BMP5: variants seen among roughly 807,000 people sequenced by gnomAD.
The protein encoded by BMP5 is bone morphogenetic protein 5.
In BMP5, 23 loss-of-function variants were observed where a neutral mutation model predicts 46.6. The ratio of observed to expected loss-of-function variants is 0.49; its 90% CI spans 0.35 to 0.70. The LOEUF (loss-of-function observed/expected upper bound fraction) is 0.70. BMP5 is among the 30% of genes least tolerant of loss of function. The pLI, the probability that BMP5 is intolerant of heterozygous loss-of-function variation, is 0.00. For synonymous variants in BMP5, 204 were observed against 191.9 expected (o/e 1.06, Z -0.52); for missense variants, 545 against 565.6 (o/e 0.96, Z 0.37).
chr6:55,811,823 C>T (rs150445982), intron 2 of BMP5, among the ~76,000 whole-genome samples: 1,936 of 152,110 alleles, frequency 0.013, 22 homozygotes, highest in Non-Finnish European at 0.021. Flanking sequence ...AGGTCCCTTA[C>T]CCTTCCAAGT....
rs1026823830 is a variant in BMP5, at chr6:55,794,157, T to C, written c.832+122A>G. On this transcript the variant is annotated intron_variant, in intron 3 of 6. Transcript: ENST00000370830. ...ACTAATATAGTTTTGCACTACCCTATAGAATGCGTTGACTTGGACATCATA... is the reference window on the plus strand; with the variant it reads ...ACTAATATAGTTTTGCACTACCCTACAGAATGCGTTGACTTGGACATCATA... 3.9e-6 allele frequency: 4 copies of C among 1,027,430 alleles called. No homozygotes were observed. In the African/African-American group the frequency reaches 4.8e-5, roughly 12 times the overall value. The allele number at this position is 1,027,430 out of a possible 1,614,324, so 63.6% of individuals were successfully genotyped here. A position where few individuals can be genotyped will look rare whatever the true frequency, so the allele number is the denominator to read the frequency against.
At chr6:55,838,981 A>G (rs1776888845) in intron 1 of BMP5, among the ~76,000 whole-genome samples, 1 of 152,156 alleles carries the variant, frequency 6.6e-6, no homozygotes, top group Non-Finnish European at 1.5e-5. Flanking sequence ...GAATAGACGA[A>G]TACACTTATC....
chr6:55,780,957 G>A (rs970095622), intron 3 of BMP5, among the ~76,000 whole-genome samples: 2 of 152,092 alleles, frequency 1.3e-5, no homozygotes, highest in African/African-American at 2.4e-5. Context: ...TCTGAAATGA[G>A]GGGCTTGCTG....
intron 1 of BMP5, among the ~76,000 whole-genome samples, chr6:55,840,182 T>C (rs1024689676): frequency 2.0e-5 from 3 of 152,284 alleles, no homozygotes; most frequent in Admixed American, 1.3e-4. Flanking sequence ...TATGTCAGTA[T>C]ACAGAAATAC....
At chr6:55,843,113 T>C (rs1381974114) in intron 1 of BMP5, among the ~76,000 whole-genome samples, 1 of 152,094 alleles carries the variant, frequency 6.6e-6, no homozygotes, top group Admixed American at 6.6e-5. Context: ...AGATTTTTTC[T>C]AGTTTGCTTA....
At chr6:55,771,104 T>C (rs1364158371) in intron 4 of BMP5, among the ~76,000 whole-genome samples, 1 of 151,762 alleles carries the variant, frequency 6.6e-6, no homozygotes, top group East Asian at 1.9e-4. Flanking sequence ...GCCACAAAAC[T>C]TCAGTTTGTA....
intron 3 of BMP5, among the ~76,000 whole-genome samples, chr6:55,790,494 A>T (rs970748507): frequency 6.6e-6 from 1 of 152,322 alleles, no homozygotes; most frequent in Middle Eastern, 3.4e-3. Context: ...CGATCAAGCT[A>T]CAAGAGAATA....
chr6:55,837,292 A>G (rs923706702), intron 1 of BMP5, among the ~76,000 whole-genome samples: 4 of 152,126 alleles, frequency 2.6e-5, no homozygotes, highest in East Asian at 1.9e-4. Flanking sequence ...TCAATAAAAC[A>G]GTGAAAGAAA....
intron 2 of BMP5, among the ~76,000 whole-genome samples, chr6:55,803,332 G>T (rs1339657194): frequency 6.6e-6 from 1 of 151,886 alleles, no homozygotes; most frequent in South Asian, 2.1e-4. Context: ...AAAACAGGAA[G>T]AAGTTATGAA....
chr6:55,804,733 G>A (rs1225380532), intron 2 of BMP5, among the ~76,000 whole-genome samples: 3 of 152,010 alleles, frequency 2.0e-5, no homozygotes. Flanking sequence ...AGAAAGAGAA[G>A]GAATTGAAAG....
chr6:55,860,739 G>A (rs1047176431), intron 1 of BMP5, among the ~76,000 whole-genome samples: 2 of 152,198 alleles, frequency 1.3e-5, no homozygotes, highest in Non-Finnish European at 2.9e-5. Context: ...GTTAACAACT[G>A]TACCTACTTT....
At chr6:55,795,557 C>A (rs1775691121) in intron 2 of BMP5, among the ~76,000 whole-genome samples, 1 of 151,994 alleles carries the variant, frequency 6.6e-6, no homozygotes, top group Non-Finnish European at 1.5e-5. Context: ...AATGTGAAAA[C>A]ACATTTTTAA....
At chr6:55,823,254 G>GCA (rs1776451474) in intron 1 of BMP5, among the ~76,000 whole-genome samples, 1 of 151,982 alleles carries the variant, frequency 6.6e-6, no homozygotes, top group Admixed American at 6.6e-5. Context: ...ATGTCTTTCA[G>GCA]CAGTACACAA....
intron 1 of BMP5, among the ~76,000 whole-genome samples, chr6:55,836,631 T>TATAC (rs1776800287): frequency 7.2e-6 from 1 of 139,518 alleles, no homozygotes; most frequent in Admixed American, 7.1e-5. Flanking sequence ...CATACATACA[T>TATAC]ACACACACAC....
At chr6:55,771,557 C>T (rs1212421650) in intron 4 of BMP5, among the ~76,000 whole-genome samples, 2 of 151,822 alleles carry the variant, frequency 1.3e-5, no homozygotes, top group Non-Finnish European at 2.9e-5. Context: ...TTGGGGACTC[C>T]TATTCTGTGC....
In BMP5 at chr6:55,793,275, C is replaced by G. The variant is rs181506494; in HGVS notation, c.832+1004G>C. Among the ~76,000 whole-genome samples the G allele has an allele frequency of 1.1e-4, 17 of 152,222 alleles. No individual in the cohort carries two copies. In the East Asian group the frequency reaches 2.3e-3, roughly 21 times the overall value. ...TGTTCCATGTGTCTGAATTGCCTGC[C>G]CCCCAACTTCTTCCCCTAATCACAT... On this transcript the variant is annotated intron_variant, in intron 3 of 6. Transcript: ENST00000370830.
chr6:55,797,614 C>CTTTTTTTT (rs60366569), intron 2 of BMP5, among the ~76,000 whole-genome samples: 3 of 110,596 alleles, frequency 2.7e-5, no homozygotes, highest in African/African-American at 3.7e-5. Flanking sequence ...ATTTTCTTTT[C>CTTTTTTTT]TTTTTTTTTT....
At chr6:55,839,963 G>C (rs1430513803) in intron 1 of BMP5, among the ~76,000 whole-genome samples, 1 of 151,978 alleles carries the variant, frequency 6.6e-6, no homozygotes, top group Non-Finnish European at 1.5e-5. Flanking sequence ...GGTTCTGTAT[G>C]TATATTGATA....
intron 1 of BMP5, among the ~76,000 whole-genome samples, chr6:55,828,395 T>G (rs1272110386): frequency 2.0e-5 from 3 of 151,754 alleles, no homozygotes; most frequent in African/African-American, 7.2e-5. Flanking sequence ...TGTGCTACTG[T>G]GAAAAGACAG....
Sources: gnomAD v4.1 joint callset for allele counts (sites outside exome capture counted in the v4.1 genomes callset) on GRCh38, gnomAD v4.1.1 for gene constraint, MANE v1.5 for transcripts, NCBI Gene and HGNC (gene_info 2026-07-23, HGNC 2026-07-21) for gene names.